Variants in MACROD2 observed in about 807,000 individuals in gnomAD.
MACROD2 encodes the protein ADP-ribose glycohydrolase MACROD2.
Under a neutral mutation model 70.4 loss-of-function variants are expected in MACROD2, and 36 were observed. That is an observed-to-expected ratio of 0.51 (90% CI 0.39 to 0.68). The LOEUF (loss-of-function observed/expected upper bound fraction) is 0.68, where lower values mean the gene tolerates loss of function less well. Ranked by LOEUF, MACROD2 falls within the 30% of genes least tolerant of loss-of-function variation. The pLI is 0.00. For synonymous variants in MACROD2, 172 were observed against 178.8 expected, an observed-to-expected ratio of 0.96 and a Z score of 0.30; for missense variants, 496 against 538.4, an observed-to-expected ratio of 0.92 and a Z score of 0.78.
chr20:15,229,035 C>G (rs1001562737), intron 5 of MACROD2, among the ~76,000 whole-genome samples: 1 of 152,164 alleles, frequency 6.6e-6, no homozygotes, highest in East Asian at 1.9e-4. Context: ...TAATTCAGTT[C>G]ACCGATAAGA....
chr20:14,909,840 G>A (rs1328218698), intron 5 of MACROD2, among the ~76,000 whole-genome samples: 1 of 152,058 alleles, frequency 6.6e-6, no homozygotes, highest in African/African-American at 2.4e-5. Context: ...TAGGTATGGG[G>A]TGAAATGATT....
intron 6 of MACROD2, among the ~76,000 whole-genome samples, chr20:15,398,810 GTTTTA>G (rs2045893500): frequency 6.6e-6 from 1 of 151,726 alleles, no homozygotes; most frequent in East Asian, 1.9e-4. Context: ...TGTTTGTTCT[GTTTTA>G]TTTTGTTTTG....
At chr20:14,828,685 GA>G (rs1295750543) in intron 5 of MACROD2, among the ~76,000 whole-genome samples, 1 of 152,102 alleles carries the variant, frequency 6.6e-6, no homozygotes, top group East Asian at 1.9e-4. Flanking sequence ...GGAGAGTCAG[GA>G]AAAGCTTCCC....
At chr20:14,121,845 A>G (rs1167130182) in intron 3 of MACROD2, among the ~76,000 whole-genome samples, 2 of 152,206 alleles carry the variant, frequency 1.3e-5, no homozygotes, top group Non-Finnish European at 2.9e-5. Context: ...TTTTATTGGT[A>G]TGAAAACATC....
At chr20:14,710,113 G>T (rs1469598297) in intron 5 of MACROD2, among the ~76,000 whole-genome samples, 1 of 152,164 alleles carries the variant, frequency 6.6e-6, no homozygotes, top group Non-Finnish European at 1.5e-5. Context: ...GCGGTCAGAA[G>T]ATAATTCACA....
At chr20:15,692,777 C>G (rs1322685942) in intron 8 of MACROD2, among the ~76,000 whole-genome samples, 1 of 152,050 alleles carries the variant, frequency 6.6e-6, no homozygotes, top group African/African-American at 2.4e-5. Context: ...TTAATTTTAC[C>G]CACCCAAAGG....
In MACROD2 at chr20:15,479,188, C is replaced by CATGG. The variant is rs1351909410; in HGVS notation, c.572-20585_572-20582dup. Among the ~76,000 whole-genome samples the CATGG allele has an allele frequency of 6.6e-5, 10 of 151,884 alleles. No homozygotes were observed. In the East Asian group the frequency reaches 1.7e-3, roughly 26 times the overall value. Reference sequence around the variant, plus strand: ...GACAGGAAAATGTGAGGAACACCAGCATGGCCTTCCCTTTGCTAGGTATCT... The same window carrying CATGG: ...GACAGGAAAATGTGAGGAACACCAGCATGGATGGCCTTCCCTTTGCTAGGTATCT... On this transcript the variant is annotated intron_variant, in intron 7 of 17. Coordinates refer to ENST00000684519, the MANE Select transcript of MACROD2 (RefSeq NM_001351661.2).
chr20:15,268,309 A>G (rs1231649556), intron 6 of MACROD2, among the ~76,000 whole-genome samples: 3 of 152,178 alleles, frequency 2.0e-5, no homozygotes, highest in Non-Finnish European at 4.4e-5. Context: ...TTGATACCCA[A>G]GAAGCATCAT....
chr20:14,624,987 C>T (rs1238609676), intron 4 of MACROD2, among the ~76,000 whole-genome samples: 1 of 152,066 alleles, frequency 6.6e-6, no homozygotes, highest in African/African-American at 2.4e-5. Context: ...TACACAAATT[C>T]ATGGTTAATG....
chr20:14,427,152 C>A (rs776915798), intron 3 of MACROD2, among the ~76,000 whole-genome samples: 10 of 151,744 alleles, frequency 6.6e-5, no homozygotes, highest in Non-Finnish European at 1.5e-4. Context: ...TTTTTTTAAA[C>A]GGTGAAACTT....
At chr20:15,581,675 G>T (rs2048525948) in intron 8 of MACROD2, among the ~76,000 whole-genome samples, 1 of 152,186 alleles carries the variant, frequency 6.6e-6, no homozygotes, top group South Asian at 2.1e-4. Context: ...TGAAACTCTG[G>T]CCTCTGAGGA....
chr20:15,376,608 C>T (rs182886659), intron 6 of MACROD2, among the ~76,000 whole-genome samples: 16 of 152,286 alleles, frequency 1.1e-4, no homozygotes, highest in Non-Finnish European at 8.8e-5. Flanking sequence ...TGAGAAAACA[C>T]TAAACCACTA....
chr20:14,187,381 A>G (rs898625491), intron 3 of MACROD2, among the ~76,000 whole-genome samples: 1 of 152,152 alleles, frequency 6.6e-6, no homozygotes, highest in Non-Finnish European at 1.5e-5. Context: ...GTAATAATAT[A>G]ATGATGCTTC....
intron 5 of MACROD2, among the ~76,000 whole-genome samples, chr20:15,128,389 A>G (rs1051999240): frequency 3.3e-5 from 5 of 152,058 alleles, no homozygotes; most frequent in Admixed American, 2.6e-4. Context: ...ACAGTAGGAG[A>G]CTAAAACTTG....
intron 8 of MACROD2, among the ~76,000 whole-genome samples, chr20:15,637,726 G>A (rs1307906202): frequency 1.3e-5 from 2 of 152,178 alleles, no homozygotes; most frequent in African/African-American, 4.8e-5. Context: ...GATAATGAAG[G>A]ACTGGGGAGC....
chr20:14,021,532 TTGAC>T (rs539189342), intron 2 of MACROD2, among the ~76,000 whole-genome samples: 362 of 152,350 alleles, frequency 2.4e-3, no homozygotes, highest in African/African-American at 8.3e-3. Context: ...TTCCTGCTCT[TTGAC>T]TGTTTTCCAG....
intron 4 of MACROD2, among the ~76,000 whole-genome samples, chr20:14,593,227 G>A (rs1981898691): frequency 6.6e-6 from 1 of 152,068 alleles, no homozygotes; most frequent in Admixed American, 6.5e-5. Context: ...TTTCTTATTC[G>A]ATTAGAGGAA....
chr20:15,134,999 C>T (rs991554169), intron 5 of MACROD2, among the ~76,000 whole-genome samples: 38 of 152,142 alleles, frequency 2.5e-4, no homozygotes, highest in Non-Finnish European at 4.4e-4. Context: ...ATACACCCTC[C>T]CAAGACTAAA....
intron 5 of MACROD2, among the ~76,000 whole-genome samples, chr20:14,930,391 G>T (rs1341601254): frequency 6.6e-6 from 1 of 152,126 alleles, no homozygotes; most frequent in African/African-American, 2.4e-5. Context: ...GGGAAGCAGA[G>T]GTTAAAACAT....
Sources: allele counts gnomAD v4.1 joint callset (sites outside exome capture counted in the v4.1 genomes callset), GRCh38; gene constraint gnomAD v4.1.1; transcripts MANE v1.5; gene names NCBI Gene and HGNC (gene_info 2026-07-23, HGNC 2026-07-21).